NCAM2: variants seen among roughly 807,000 people sequenced by gnomAD.
The protein encoded by NCAM2 is neural cell adhesion molecule 2.
NCAM2 carries 30 observed loss-of-function variants against 98.1 expected under a neutral mutation model. The ratio of observed to expected loss-of-function variants is 0.31; its 90% confidence interval spans 0.23 to 0.41. The LOEUF is 0.41. NCAM2 is among the 10% of genes least tolerant of loss of function. The pLI, the probability that NCAM2 is intolerant of heterozygous loss-of-function variation, is 1.00. For missense variants in NCAM2, 867 were observed against 1,005.8 expected (o/e 0.86, Z 1.87); for synonymous variants, 368 against 342.4 (o/e 1.07, Z -0.83).
intron 1 of NCAM2, among the ~76,000 whole-genome samples, chr21:21,040,004 A>G (rs1472818678): frequency 6.6e-6 from 1 of 152,152 alleles, no homozygotes; most frequent in African/African-American, 2.4e-5. Context: ...GAGGATACAC[A>G]TTGCCAGTTA....
chr21:21,039,540 A>G (rs1010189120), intron 1 of NCAM2, among the ~76,000 whole-genome samples: 30 of 152,238 alleles, frequency 2.0e-4, no homozygotes, highest in African/African-American at 7.2e-4. Flanking sequence ...TACATGTAAT[A>G]CAATATCACA....
At chr21:21,356,136 T>C (rs539957468) in intron 8 of NCAM2, among the ~76,000 whole-genome samples, 3 of 152,332 alleles carry the variant, frequency 2.0e-5, no homozygotes, top group African/African-American at 7.2e-5. Context: ...GGAATAAAGA[T>C]AGGCAGTTCC....
At chr21:21,138,414 G>T (rs189079875) in intron 1 of NCAM2, among the ~76,000 whole-genome samples, 8 of 152,172 alleles carry the variant, frequency 5.3e-5, no homozygotes, top group African/African-American at 1.7e-4. Flanking sequence ...TTCATTATCT[G>T]TAAATTGAAG....
At chr21:21,216,007 T>C (rs2069885302) in intron 1 of NCAM2, among the ~76,000 whole-genome samples, 1 of 152,184 alleles carries the variant, frequency 6.6e-6, no homozygotes, top group African/African-American at 2.4e-5. Flanking sequence ...TTTAAGGAGC[T>C]TCAAGGAAAG....
chr21:21,502,604 G>A (rs377034514), intron 15 of NCAM2, among the ~76,000 whole-genome samples: 1 of 151,904 alleles, frequency 6.6e-6, no homozygotes, highest in African/African-American at 2.4e-5. Context: ...TGATGTTAGG[G>A]AGTATATTGT....
intron 15 of NCAM2, among the ~76,000 whole-genome samples, chr21:21,496,139 T>A (rs1987218091): frequency 6.6e-6 from 1 of 151,710 alleles, no homozygotes; most frequent in Non-Finnish European, 1.5e-5. Flanking sequence ...ACCTGGTAAT[T>A]GGATTACTGG....
chr21:21,027,984 G>T (rs1399802160), intron 1 of NCAM2, among the ~76,000 whole-genome samples: 1 of 151,690 alleles, frequency 6.6e-6, no homozygotes, highest in Non-Finnish European at 1.5e-5. Context: ...AGCCTCCCAA[G>T]TCCTGAGCAG....
intron 1 of NCAM2, among the ~76,000 whole-genome samples, chr21:21,170,617 C>G (rs1569104351): frequency 6.6e-6 from 1 of 152,080 alleles, no homozygotes; most frequent in Non-Finnish European, 1.5e-5. Context: ...AGTGGAATTA[C>G]TCTGTTTGAT....
intron 11 of NCAM2, among the ~76,000 whole-genome samples, chr21:21,419,717 T>C (rs955367430): frequency 4.6e-5 from 7 of 152,008 alleles, no homozygotes; most frequent in African/African-American, 1.7e-4. Context: ...TGCATAGTAT[T>C]CCATGGTGTA....
At chr21:21,448,074 A>G (rs967555869) in intron 12 of NCAM2, among the ~76,000 whole-genome samples, 8 of 152,060 alleles carry the variant, frequency 5.3e-5, no homozygotes, top group Non-Finnish European at 1.2e-4. Flanking sequence ...AAATTATTCT[A>G]CCCTAAAGAC....
At chr21:21,028,684 C>T (rs1266484896) in intron 1 of NCAM2, among the ~76,000 whole-genome samples, 1 of 152,154 alleles carries the variant, frequency 6.6e-6, no homozygotes, top group Non-Finnish European at 1.5e-5. Context: ...ATGAAATTGG[C>T]ACACAAAATG....
chr21:21,366,566 G>GTCTCTT (rs2075792006), intron 8 of NCAM2, among the ~76,000 whole-genome samples: 1 of 151,906 alleles, frequency 6.6e-6, no homozygotes, highest in African/African-American at 2.4e-5. Context: ...AAGTCTGTAG[G>GTCTCTT]TCTCTTTTAA....
At chr21:21,069,972 C>G (rs552967598) in intron 1 of NCAM2, among the ~76,000 whole-genome samples, 86 of 152,182 alleles carry the variant, frequency 5.7e-4, no homozygotes, top group African/African-American at 2.0e-3. Context: ...CAATTACCTT[C>G]ACATGCACTG....
chr21:21,325,827 G>T (rs953267357), intron 6 of NCAM2, among the ~76,000 whole-genome samples: 1 of 152,052 alleles, frequency 6.6e-6, no homozygotes, highest in Non-Finnish European at 1.5e-5. Flanking sequence ...GCAGGAAATT[G>T]AACAACAAAC....
chr21:21,193,176 G>A (rs1300738667), intron 1 of NCAM2, among the ~76,000 whole-genome samples: 1 of 152,096 alleles, frequency 6.6e-6, no homozygotes, highest in East Asian at 1.9e-4. Context: ...TGTCTATCAT[G>A]TCTAGCCAGT....
chr21:21,511,299 C>T (rs1016612256), intron 16 of NCAM2, among the ~76,000 whole-genome samples: 3 of 152,074 alleles, frequency 2.0e-5, no homozygotes, highest in African/African-American at 7.2e-5. Flanking sequence ...CTTTGCTAGC[C>T]TCTGCTAACA....
chr21:21,425,377 A>G (rs978817929), intron 11 of NCAM2, among the ~76,000 whole-genome samples: 1 of 152,128 alleles, frequency 6.6e-6, no homozygotes, highest in Admixed American at 6.5e-5. Context: ...GGCTCATAAT[A>G]GCTCTAAATT....
At chr21:21,212,750 T>G (rs560986760) in intron 1 of NCAM2, among the ~76,000 whole-genome samples, 2,743 of 150,462 alleles carry the variant, frequency 0.018, 86 homozygotes, top group African/African-American at 0.062. Flanking sequence ...TGCTTTTTTT[T>G]TTTTTTTTTT....
intron 12 of NCAM2, among the ~76,000 whole-genome samples, chr21:21,444,456 T>G (rs1979784302): frequency 6.8e-6 from 1 of 147,036 alleles, no homozygotes; most frequent in Non-Finnish European, 1.5e-5. Context: ...TGAATCTGTC[T>G]GGTCCTGGGC....
Sources: allele counts gnomAD v4.1 joint callset (sites outside exome capture counted in the v4.1 genomes callset), GRCh38; gene constraint gnomAD v4.1.1; transcripts MANE v1.5; gene names NCBI Gene and HGNC (gene_info 2026-07-23, HGNC 2026-07-21).